The following PRICKLE2 variants were observed in gnomAD, a reference collection of about 807,000 sequenced individuals.
The protein encoded by PRICKLE2 is prickle planar cell polarity protein 2, also known as prickle-like protein 2.
A neutral mutation model predicts 81.4 loss-of-function variants in PRICKLE2; 21 were observed. That is an observed-to-expected ratio of 0.26 (90% CI 0.18 to 0.37). The LOEUF (loss-of-function observed/expected upper bound fraction) is 0.37. PRICKLE2 is among the 10% of genes least tolerant of loss of function. The pLI is 1.00. For synonymous variants in PRICKLE2, 456 were observed against 421.5 expected (o/e 1.08, Z -1.00); for missense variants, 940 against 1,109.0 (o/e 0.85, Z 2.16).
chr3:64,231,741 C>A (rs1465877903), intron 2 of PRICKLE2, among the ~76,000 whole-genome samples: 3 of 152,208 alleles, frequency 2.0e-5, no homozygotes, highest in Non-Finnish European at 4.4e-5. Flanking sequence ...TACCAGACAT[C>A]TTGCATACTT....
chr3:64,234,820 T>C (rs2107164559), intron 2 of PRICKLE2, among the ~76,000 whole-genome samples: 1 of 152,322 alleles, frequency 6.6e-6, no homozygotes, highest in Non-Finnish European at 1.5e-5. Context: ...TCTTTTTGTC[T>C]TTCAACATTT....
At chr3:64,250,633 C>T (rs975821596) in intron 2 of PRICKLE2, among the ~76,000 whole-genome samples, 4 of 152,206 alleles carry the variant, frequency 2.6e-5, no homozygotes, top group Non-Finnish European at 5.9e-5. Flanking sequence ...CTCATGAGAT[C>T]ATGGCACTTT....
At chr3:64,154,652 C>T (rs144837395) in intron 5 of PRICKLE2, 1 of 152,218 alleles carries the variant, frequency 6.6e-6, no homozygotes, top group African/African-American at 2.4e-5. Flanking sequence ...TTGAACTAGG[C>T]AATGGTTTCT....
intron 6 of PRICKLE2, 47 bp downstream of exon 6, chr3:64,153,135 T>C (rs775229307): frequency 6.4e-7 from 1 of 1,551,296 alleles, no homozygotes; most frequent in Non-Finnish European, 8.9e-7. Context: ...AAAACAAAGG[T>C]GACCGCATCA....
At chr3:64,233,966 G>A (rs935491670) in intron 2 of PRICKLE2, among the ~76,000 whole-genome samples, 2 of 152,018 alleles carry the variant, frequency 1.3e-5, no homozygotes, top group Non-Finnish European at 1.5e-5. Flanking sequence ...TTCACCTAGT[G>A]TATTTTTGGT....
In PRICKLE2 at chr3:64,187,590, A is replaced by G. The variant is rs572395299; in HGVS notation, c.144+11194T>C. On this transcript the variant is annotated intron_variant, in intron 2 of 7. Coordinates refer to ENST00000638394, the MANE Select transcript of PRICKLE2 (RefSeq NM_198859.4). ...GATGGAGTAATGAAATAAAGACAAC[A>G]CTCTGCAAATGGCTGGTGAGTCTAA... 215 of 152,222 alleles carry G rather than the reference A, an allele frequency of 1.4e-3. 1 individual carries two copies. Among genetic ancestry groups the G allele is most frequent in the African/African-American group, 4.9e-3 (204 of 41,542 alleles). 9.4% of individuals were successfully genotyped at this position (152,222 alleles called of 1,614,324 possible).
At chr3:64,199,190 A>G in intron 1 of PRICKLE2, 1 of 606,530 alleles carries the variant, frequency 1.6e-6, no homozygotes, top group South Asian at 2.0e-5. Flanking sequence ...CCACCAGGTA[A>G]GCATGCTAAG....
chr3:64,144,295 G>A (rs1277043969), intron 7 of PRICKLE2, among the ~76,000 whole-genome samples: 2 of 152,040 alleles, frequency 1.3e-5, no homozygotes, highest in Non-Finnish European at 2.9e-5. Context: ...AGTGACTTTG[G>A]GTGAGTCCCT....
chr3:64,092,362 G>T lies in PRICKLE2; in HGVS notation c.*6689C>A, dbSNP rs970829783. ...GGTGGGTAAGACTACTTACTATTCC[G>T]AATGTCTTGCCTAGTTGAAAGTAAA... On this transcript the variant is annotated 3_prime_UTR_variant, in exon 8 of 8. Coordinates refer to ENST00000638394, the MANE Select transcript of PRICKLE2 (RefSeq NM_198859.4). The T allele has an allele frequency of 3.3e-5, 5 of 152,204 alleles. No homozygotes were observed. Among genetic ancestry groups the T allele is most frequent in the Non-Finnish European group, 5.9e-5 (4 of 68,036 alleles). 9.4% of individuals were successfully genotyped at this position (152,204 alleles called of 1,614,324 possible).
At chr3:64,207,728 TA>T (rs937191236) in intron 1 of PRICKLE2, among the ~76,000 whole-genome samples, 6 of 149,400 alleles carry the variant, frequency 4.0e-5, no homozygotes, top group Non-Finnish European at 6.0e-5. Flanking sequence ...GTCCCTTCGA[TA>T]AAAAAAAAAT....
At chr3:64,267,199 G>A (rs1643354713) in intron 2 of PRICKLE2, among the ~76,000 whole-genome samples, 1 of 152,026 alleles carries the variant, frequency 6.6e-6, no homozygotes, top group African/African-American at 2.4e-5. Flanking sequence ...TTGGCAACTT[G>A]GAAAGTAAGA....
chr3:64,160,646 A>G (rs17664202), intron 3 of PRICKLE2, among the ~76,000 whole-genome samples: 54,933 of 152,078 alleles, frequency 0.36, 10,240 homozygotes, highest in Non-Finnish European at 0.41. Flanking sequence ...AAGTCTCTGC[A>G]TGTTTATCTT....
chr3:64,218,121 T>C (rs543350099), intron 1 of PRICKLE2, among the ~76,000 whole-genome samples: 1 of 152,300 alleles, frequency 6.6e-6, no homozygotes, highest in Non-Finnish European at 1.5e-5. Flanking sequence ...TAATTTAAAA[T>C]AGCCAAAACC....
chr3:64,239,388 T>G (rs890989741), intron 2 of PRICKLE2, among the ~76,000 whole-genome samples: 2 of 152,008 alleles, frequency 1.3e-5, no homozygotes, highest in African/African-American at 4.8e-5. Flanking sequence ...TATTCTGCAA[T>G]AAGAAACACC....
chr3:64,249,515 G>C (rs915264119), intron 2 of PRICKLE2, among the ~76,000 whole-genome samples: 3 of 152,178 alleles, frequency 2.0e-5, no homozygotes, highest in African/African-American at 7.2e-5. Context: ...TTGTCAAATG[G>C]AGGCTCAGTA....
At chr3:64,266,753 A>C (rs1212383201) in intron 2 of PRICKLE2, among the ~76,000 whole-genome samples, 1 of 152,196 alleles carries the variant, frequency 6.6e-6, no homozygotes, top group Non-Finnish European at 1.5e-5. Context: ...ATTTGCGTAC[A>C]GAAAGCAGGG....
At chr3:64,265,793 T>C (rs1397293076) in intron 2 of PRICKLE2, among the ~76,000 whole-genome samples, 2 of 152,188 alleles carry the variant, frequency 1.3e-5, no homozygotes, top group Non-Finnish European at 2.9e-5. Context: ...GACACATCTG[T>C]GTCCCTAAGG....
intron 1 of PRICKLE2, among the ~76,000 whole-genome samples, chr3:64,215,549 A>C (rs543763342): frequency 1.3e-5 from 2 of 152,370 alleles, no homozygotes; most frequent in Non-Finnish European, 1.5e-5. Context: ...ATCTAACTGC[A>C]ACCAGTGAGC....
chr3:64,166,305 T>G (rs1290226818), intron 2 of PRICKLE2, among the ~76,000 whole-genome samples: 2 of 152,178 alleles, frequency 1.3e-5, no homozygotes, highest in African/African-American at 4.8e-5. Flanking sequence ...TACCCTGTCT[T>G]GGGCAGCGTC....
Sources: allele counts gnomAD v4.1 joint callset (sites outside exome capture counted in the v4.1 genomes callset), GRCh38; gene constraint gnomAD v4.1.1; transcripts MANE v1.5; gene names NCBI Gene and HGNC (gene_info 2026-07-23, HGNC 2026-07-21).